The following CELF2 variants were observed in gnomAD, a reference collection of about 807,000 sequenced individuals.
The protein encoded by CELF2 is CUGBP Elav-like family member 2.
In CELF2, 8 loss-of-function variants were observed where a neutral mutation model predicts 62.6. The observed-to-expected ratio is 0.13, with a 90% CI of 0.07 to 0.23. CELF2 has a LOEUF of 0.23. Among genes scored for constraint, CELF2 ranks in the 10% least tolerant of loss-of-function variants. The pLI is 1.00. For synonymous variants in CELF2, 258 were observed against 250.0 expected (o/e 1.03, Z -0.30); for missense variants, 333 against 671.0 (o/e 0.50, Z 5.56).
intron 1 of CELF2, among the ~76,000 whole-genome samples, chr10:11,149,086 C>G (rs148891987): frequency 1.3e-5 from 2 of 151,672 alleles, no homozygotes; most frequent in Non-Finnish European, 2.9e-5. Flanking sequence ...TTTTTTCTTT[C>G]CCAAGTCGGA....
At chr10:10,877,841 C>T (rs546469172) in intron 1 of CELF2, among the ~76,000 whole-genome samples, 3 of 152,186 alleles carry the variant, frequency 2.0e-5, no homozygotes, top group Admixed American at 6.5e-5. Flanking sequence ...AATTCTACTT[C>T]GTGCCTGTTA....
the CELF2 span, among the ~76,000 whole-genome samples, chr10:10,554,124 C>T: frequency 6.6e-6 from 1 of 152,144 alleles, no homozygotes; most frequent in South Asian, 2.1e-4. Flanking sequence ...GAGCATGTGT[C>T]AGCTGATATA....
intron 2 of CELF2, among the ~76,000 whole-genome samples, chr10:10,978,196 C>T (rs1051007294): frequency 1.3e-5 from 2 of 152,152 alleles, no homozygotes; most frequent in Non-Finnish European, 2.9e-5. Context: ...CTCTTCTAGA[C>T]TTCCCAAGAC....
intron 5 of CELF2, among the ~76,000 whole-genome samples, chr10:11,263,889 C>G (rs747487495): frequency 2.0e-5 from 3 of 152,244 alleles, no homozygotes; most frequent in Non-Finnish European, 4.4e-5. Context: ...ACAGTTGACT[C>G]TGAAGTTGCT....
the CELF2 span, among the ~76,000 whole-genome samples, chr10:10,546,721 T>C: frequency 6.6e-6 from 1 of 152,142 alleles, no homozygotes; most frequent in African/African-American, 2.4e-5. Context: ...AAGGGATACT[T>C]GAAACGATTC....
intron 1 of CELF2, among the ~76,000 whole-genome samples, chr10:11,083,847 T>A (rs1460565097): frequency 6.6e-6 from 1 of 152,116 alleles, no homozygotes; most frequent in African/African-American, 2.4e-5. Context: ...GAGAATTAGA[T>A]CAGAAAGTGT....
chr10:10,539,327 AC>A, the CELF2 span, among the ~76,000 whole-genome samples: 1 of 152,048 alleles, frequency 6.6e-6, no homozygotes, highest in African/African-American at 2.4e-5. Context: ...ATTAGAGAAA[AC>A]TGTTTTGTTT....
intron 1 of CELF2, among the ~76,000 whole-genome samples, chr10:11,062,147 A>G (rs1175364111): frequency 2.0e-5 from 3 of 150,052 alleles, no homozygotes; most frequent in South Asian, 4.2e-4. Flanking sequence ...CCTACTGCTC[A>G]GGGGGGGAAA....
rs1055704726 is a variant in CELF2, at chr10:11,247,722, T to C, written c.355-1431T>C. Among the ~76,000 whole-genome samples the C allele has an allele frequency of 6.6e-6, 1 of 152,204 alleles. No homozygotes were observed. Among genetic ancestry groups the C allele is most frequent in the Non-Finnish European group, 1.5e-5 (1 of 68,026 alleles). On this transcript the variant is annotated intron_variant, in intron 3 of 12. Coordinates refer to ENST00000633077, the MANE Select transcript of CELF2 (RefSeq NM_001326342.2). The surrounding 1 kb of genome is among the most constrained non-coding windows in gnomAD (Gnocchi z 5.4). ...GGGTACCTGTTTGCTCCATACCTGC[T>C]GGACAACCAGACAGATGCATGCTGG...
the CELF2 span, among the ~76,000 whole-genome samples, chr10:10,745,954 A>G: frequency 6.6e-6 from 1 of 152,238 alleles, no homozygotes; most frequent in African/African-American, 2.4e-5. Flanking sequence ...TTTTGATGGC[A>G]TAGGGATGGA....
chr10:10,886,238 G>C lies in CELF2; in HGVS notation c.54-33726G>C, dbSNP rs569922402. 2.6e-5 allele frequency among the ~76,000 whole-genome samples: 4 copies of C among 151,944 alleles called. No individual in the cohort carries two copies. The East Asian group carries it at 7.8e-4, about 29-fold the overall frequency. On this transcript the variant is annotated intron_variant, in intron 1 of 13. Transcript: ENST00000636488. ...CAGGCACTGTTTTTAGCCCAAGTTA[G>C]TTATACCAGCATAAGTCACTTGACC...
At chr10:10,722,524 A>T in the CELF2 span, among the ~76,000 whole-genome samples, 27 of 152,248 alleles carry the variant, frequency 1.8e-4, no homozygotes, top group African/African-American at 6.3e-4. Context: ...TGAAAACACA[A>T]CTATGTCCCT....
chr10:11,007,817 C>T (rs1022082579), intron 1 of CELF2, among the ~76,000 whole-genome samples: 4 of 152,032 alleles, frequency 2.6e-5, no homozygotes, highest in Admixed American at 1.3e-4. Context: ...GTCCGTGGCC[C>T]GCTTAAAGAA....
intron 1 of CELF2, among the ~76,000 whole-genome samples, chr10:11,121,499 A>G (rs2057731482): frequency 6.6e-6 from 1 of 152,028 alleles, no homozygotes; most frequent in African/African-American, 2.4e-5. Flanking sequence ...TCCCTTAACA[A>G]TTATTTGAGG....
chr10:10,722,988 G>A, the CELF2 span, among the ~76,000 whole-genome samples: 15 of 152,228 alleles, frequency 9.9e-5, no homozygotes, highest in East Asian at 1.2e-3. Context: ...CATCTTATTC[G>A]ATTAAAAGGA....
At chr10:11,277,405 T>G (rs1280395479) in intron 8 of CELF2, among the ~76,000 whole-genome samples, 1 of 152,120 alleles carries the variant, frequency 6.6e-6, no homozygotes, top group Non-Finnish European at 1.5e-5. Context: ...CAGAGCCCTT[T>G]CCTCCCTTCC....
intron 2 of CELF2, among the ~76,000 whole-genome samples, chr10:11,171,722 T>A (rs1221195710): frequency 6.6e-6 from 1 of 152,214 alleles, no homozygotes; most frequent in African/African-American, 2.4e-5. Context: ...TTGCTTTCTT[T>A]ATCCATGCAG....
chr10:11,230,803 G>A (rs753929393), intron 3 of CELF2, among the ~76,000 whole-genome samples: 4 of 152,208 alleles, frequency 2.6e-5, no homozygotes, highest in African/African-American at 9.7e-5. Flanking sequence ...GCCAGAACAA[G>A]CTAATTCTAA....
chr10:11,072,918 T>G (rs1182114971), intron 1 of CELF2, among the ~76,000 whole-genome samples: 1 of 152,030 alleles, frequency 6.6e-6, no homozygotes, highest in Non-Finnish European at 1.5e-5. Context: ...AGAAAACATT[T>G]TTAATAACTA....
Sources: allele counts gnomAD v4.1 joint callset (sites outside exome capture counted in the v4.1 genomes callset), GRCh38; gene constraint gnomAD v4.1.1; non-coding constraint Gnocchi (gnomAD v3.1); transcripts MANE v1.5; gene names NCBI Gene and HGNC (gene_info 2026-07-23, HGNC 2026-07-21).